CSMD1: variants seen among roughly 807,000 people sequenced by gnomAD.
CSMD1 encodes the protein CUB and sushi domain-containing protein 1.
In CSMD1, 213 loss-of-function variants were observed where a neutral mutation model predicts 417.5. The observed-to-expected ratio is 0.51, with a 90% confidence interval of 0.46 to 0.57. CSMD1 has a LOEUF of 0.57. Ranked by LOEUF, CSMD1 falls within the 20% of genes least tolerant of loss-of-function variation. The pLI is 0.00. For missense variants in CSMD1, 6,923 were observed against 4,529.7 expected (o/e 1.53, Z -15.17); for synonymous variants, 2,862 against 1,736.8 (o/e 1.65, Z -16.11).
chr8:4,205,676 G>A (rs920983220), intron 3 of CSMD1, among the ~76,000 whole-genome samples: 14 of 151,886 alleles, frequency 9.2e-5, no homozygotes, highest in Non-Finnish European at 1.8e-4. Flanking sequence ...GCTCATTTGG[G>A]AAATTTTTAC....
chr8:4,517,989 A>G (rs1307263827), intron 2 of CSMD1, among the ~76,000 whole-genome samples: 2 of 152,210 alleles, frequency 1.3e-5, no homozygotes, highest in Non-Finnish European at 2.9e-5. Flanking sequence ...TCTATTCAAT[A>G]TTGATACTCA....
chr8:3,300,843 C>T (rs990844090), intron 25 of CSMD1, among the ~76,000 whole-genome samples: 5 of 151,022 alleles, frequency 3.3e-5, no homozygotes, highest in African/African-American at 9.7e-5. Flanking sequence ...CATGTAATCC[C>T]AGCTACTCAG....
intron 2 of CSMD1, among the ~76,000 whole-genome samples, chr8:4,605,020 AC>A (rs1228245822): frequency 2.0e-5 from 3 of 152,042 alleles, no homozygotes; most frequent in Non-Finnish European, 4.4e-5. Context: ...TAAAGCAACA[AC>A]CCCCATGATA....
chr8:4,320,872 C>A (rs568106133), intron 3 of CSMD1, among the ~76,000 whole-genome samples: 3 of 152,144 alleles, frequency 2.0e-5, no homozygotes, highest in Non-Finnish European at 4.4e-5. Flanking sequence ...TATAAAGACA[C>A]AAACACACTT....
chr8:3,118,331 T>C (rs1469940575), intron 42 of CSMD1, 68 bp downstream of exon 42: 2 of 1,084,054 alleles, frequency 1.8e-6, no homozygotes, highest in African/African-American at 1.6e-5. Flanking sequence ...GATATGTTCA[T>C]TTAATATTTA....
chr8:3,967,461 A>G (rs1419175132), intron 5 of CSMD1, among the ~76,000 whole-genome samples: 2 of 31,608 alleles, frequency 6.3e-5, no homozygotes, highest in East Asian at 4.4e-3. Flanking sequence ...TAAAAGGAAA[A>G]AAAAAAAAAC....
chr8:3,799,877 T>C (rs867379648), intron 5 of CSMD1, among the ~76,000 whole-genome samples: 5 of 152,162 alleles, frequency 3.3e-5, no homozygotes, highest in Non-Finnish European at 5.9e-5. Flanking sequence ...TTAAGCTACA[T>C]TGCTGACTTG....
At chr8:4,199,233 C>G (rs1178221357) in intron 3 of CSMD1, among the ~76,000 whole-genome samples, 4 of 152,168 alleles carry the variant, frequency 2.6e-5, no homozygotes, top group Non-Finnish European at 5.9e-5. Context: ...GAGGTTAGAC[C>G]TAGCCTATAG....
chr8:3,164,413 T>C (rs1415499843), intron 37 of CSMD1, among the ~76,000 whole-genome samples: 2 of 152,238 alleles, frequency 1.3e-5, no homozygotes, highest in African/African-American at 4.8e-5. Flanking sequence ...GGGCTTTACA[T>C]AGAAGATAAA....
chr8:4,506,383 G>C (rs1168394293), intron 2 of CSMD1, among the ~76,000 whole-genome samples: 2 of 152,068 alleles, frequency 1.3e-5, no homozygotes, highest in Admixed American at 6.5e-5. Context: ...CCCAAGTCTA[G>C]TGCAAAGGGG....
intron 6 of CSMD1, among the ~76,000 whole-genome samples, chr8:3,730,232 G>T (rs1249397160): frequency 2.0e-5 from 3 of 152,002 alleles, no homozygotes; most frequent in Admixed American, 6.6e-5. Context: ...TCCCCATATG[G>T]TTAAATTCGA....
chr8:3,891,596 T>C (rs1036544916), intron 5 of CSMD1, among the ~76,000 whole-genome samples: 4 of 152,002 alleles, frequency 2.6e-5, no homozygotes, highest in Admixed American at 6.6e-5. Flanking sequence ...GATGCGAGGA[T>C]TGTTTGAGCC....
chr8:3,868,982 A>T (rs922397573), intron 5 of CSMD1, among the ~76,000 whole-genome samples: 8 of 152,216 alleles, frequency 5.3e-5, no homozygotes, highest in African/African-American at 1.9e-4. Flanking sequence ...TTCTGCTCAG[A>T]TGATGCCGAT....
At chr8:4,594,113 C>A (rs527587862) in intron 2 of CSMD1, among the ~76,000 whole-genome samples, 3 of 151,660 alleles carry the variant, frequency 2.0e-5, no homozygotes, top group Non-Finnish European at 2.9e-5. Flanking sequence ...GTCAAGTTTC[C>A]CCTTTTTATA....
chr8:3,135,479 AAACAT>A (rs1818022192), intron 41 of CSMD1, among the ~76,000 whole-genome samples: 1 of 139,970 alleles, frequency 7.1e-6, no homozygotes, highest in Non-Finnish European at 1.6e-5. Flanking sequence ...TTCCCCTTTA[AAACAT>A]GCTCTTGAGT....
At chr8:3,564,421 T>G (rs565747864) in intron 10 of CSMD1, among the ~76,000 whole-genome samples, 1 of 152,326 alleles carries the variant, frequency 6.6e-6, no homozygotes, top group East Asian at 1.9e-4. Context: ...AAGTCTATTG[T>G]CTACAGCTGT....
In CSMD1 at chr8:4,209,098, G is replaced by A. The variant is rs189485739; in HGVS notation, c.416-176999C>T. The stretch of plus-strand genomic sequence containing the variant: ...TTTTGTCCTCTCTTCACCCTTGCTC[G>A]CTGATGATTTACAGTGTTAACACAT... On this transcript the variant is annotated intron_variant, in intron 3 of 69. Transcript: ENST00000635120. Among the ~76,000 whole-genome samples, 136 of 152,130 alleles carry A rather than the reference G, an allele frequency of 8.9e-4. 1 individual carries two copies. In the South Asian group the frequency reaches 0.012, roughly 14 times the overall value.
At chr8:4,794,227 C>T (rs1430427360) in intron 1 of CSMD1, among the ~76,000 whole-genome samples, 1 of 132,996 alleles carries the variant, frequency 7.5e-6, no homozygotes, top group Admixed American at 8.3e-5. Context: ...ATTTTTATCA[C>T]ACTTTTTGTC....
chr8:4,960,487 C>T (rs768319921), intron 1 of CSMD1, among the ~76,000 whole-genome samples: 54 of 152,140 alleles, frequency 3.5e-4, no homozygotes, highest in Non-Finnish European at 4.9e-4. Context: ...AAGCTGAATT[C>T]CTTGTTTATG....
Sources: gnomAD v4.1 joint callset for allele counts (sites outside exome capture counted in the v4.1 genomes callset) on GRCh38, gnomAD v4.1.1 for gene constraint, MANE v1.5 for transcripts, NCBI Gene and HGNC (gene_info 2026-07-23, HGNC 2026-07-21) for gene names.